ATP2B2: variants seen among roughly 807,000 people sequenced by gnomAD.
ATP2B2 encodes plasma membrane calcium-transporting ATPase 2.
Under a neutral mutation model 120.0 loss-of-function variants are expected in ATP2B2, and 15 were observed. The ratio of observed to expected loss-of-function variants is 0.12; its 90% CI spans 0.08 to 0.19. The LOEUF is 0.19. Among genes scored for constraint, ATP2B2 ranks in the 10% least tolerant of loss-of-function variants. The probability of loss-of-function intolerance (pLI) is 1.00; values close to 1 mark genes in which losing one functional copy is unlikely to be tolerated. For synonymous variants in ATP2B2, 694 were observed against 700.3 expected (o/e 0.99, Z 0.14); for missense variants, 1,045 against 1,719.8 (o/e 0.61, Z 6.94).
In ATP2B2 at chr3:10,343,827, G is replaced by A. The variant is rs1389285159; in HGVS notation, c.2704-862C>T. 2.6e-5 allele frequency among the ~76,000 whole-genome samples: 4 copies of A among 151,952 alleles called. No individual in the cohort carries two copies. ...TCCTGACCCCACTCTCCTGGTCGTC[G>A]TCCTCCCTTCCTTTTAAATCTGTGT... On this transcript the variant is annotated intron_variant, in intron 18 of 22. Transcript: ENST00000360273. The surrounding 1 kb of genome is among the most constrained non-coding windows in gnomAD (Gnocchi z 4.2).
chr3:10,529,688 G>C (rs1274237327), intron 3 of ATP2B2, among the ~76,000 whole-genome samples: 7 of 152,206 alleles, frequency 4.6e-5, no homozygotes, highest in Admixed American at 1.3e-4. Context: ...CAAAAAGATA[G>C]GTTGAAGTCC....
intron 3 of ATP2B2, among the ~76,000 whole-genome samples, chr3:10,403,713 A>ACCCT (rs959578494): frequency 1.3e-5 from 2 of 152,160 alleles, no homozygotes; most frequent in Non-Finnish European, 2.9e-5. Flanking sequence ...GGCACTGGAT[A>ACCCT]CCCTGCAAGG....
At chr3:10,483,636 T>TC (rs1351420444) in intron 1 of ATP2B2, among the ~76,000 whole-genome samples, 1 of 152,138 alleles carries the variant, frequency 6.6e-6, no homozygotes, top group Non-Finnish European at 1.5e-5. Flanking sequence ...AGCTGCTCTG[T>TC]CCCCTGCCTG....
intron 2 of ATP2B2, among the ~76,000 whole-genome samples, chr3:10,539,926 C>A (rs1178399331): frequency 6.6e-6 from 1 of 152,154 alleles, no homozygotes; most frequent in Non-Finnish European, 1.5e-5. Context: ...TCAGAGTGAA[C>A]AGGCAACCTA....
intron 1 of ATP2B2, among the ~76,000 whole-genome samples, chr3:10,662,167 T>C (rs1184495966): frequency 6.6e-6 from 1 of 152,110 alleles, no homozygotes; most frequent in Non-Finnish European, 1.5e-5. Flanking sequence ...ACCTAGGCAG[T>C]ACCATTCAGG....
intron 5 of ATP2B2, among the ~76,000 whole-genome samples, chr3:10,394,222 T>A (rs2061953666): frequency 6.6e-6 from 1 of 152,100 alleles, no homozygotes; most frequent in African/African-American, 2.4e-5. Flanking sequence ...GGGGCTATTA[T>A]CTGCCTCCAG....
chr3:10,421,093 G>A (rs958197209), intron 2 of ATP2B2, among the ~76,000 whole-genome samples: 4 of 152,182 alleles, frequency 2.6e-5, no homozygotes, highest in Non-Finnish European at 4.4e-5. Flanking sequence ...ATGGGGCAGG[G>A]CCAGCTGCAT....
At position 10,561,806 on chromosome 3, in the gene ATP2B2, G is replaced by C. The variant is rs1418402887; in HGVS notation, c.-414-27673C>G. 3.9e-5 allele frequency among the ~76,000 whole-genome samples: 6 copies of C among 152,182 alleles called. No individual in the cohort carries two copies. The East Asian group carries it at 1.2e-3, about 29-fold the overall frequency. Reference sequence around the variant, plus strand: ...TCCGCCATGATTGTGAGGCTTCCCAGTCATGTGGAACTGTAAGTCCATTAA... The same window carrying C: ...TCCGCCATGATTGTGAGGCTTCCCACTCATGTGGAACTGTAAGTCCATTAA... On this transcript the variant is annotated intron_variant, in intron 2 of 21. Coordinates refer to the ATP2B2 transcript ENST00000646379.
chr3:10,688,625 G>A (rs778306721), intron 1 of ATP2B2, among the ~76,000 whole-genome samples: 2 of 152,160 alleles, frequency 1.3e-5, no homozygotes, highest in Non-Finnish European at 2.9e-5. Context: ...CTCTCAGACA[G>A]GGACAACGTT....
In ATP2B2 at chr3:10,328,789, G is replaced by A. The variant is rs779431985; in HGVS notation, c.*25C>T. On this transcript the variant is annotated 3_prime_UTR_variant, in exon 23 of 23. Coordinates refer to ENST00000360273, the MANE Select transcript of ATP2B2 (RefSeq NM_001001331.4). ...GGTGGCAGCGGGGTCCATGAGGGCG[G>A]GCGGGCAGGCGAGAGGGTCCTCAGC... 3.2e-6 allele frequency: 5 copies of A among 1,585,330 alleles called. No individual in the cohort carries two copies. The highest frequency in any genetic ancestry group is 4.3e-6 in the Non-Finnish European group (5 of 1,162,022).
chr3:10,399,845 G>A (rs60574140), intron 5 of ATP2B2, among the ~76,000 whole-genome samples: 2,261 of 152,254 alleles, frequency 0.015, 47 homozygotes, highest in African/African-American at 0.047. Flanking sequence ...CCAGCTCAAC[G>A]CCACCTCCTC....
chr3:10,704,167 A>C (rs2071861842), intron 1 of ATP2B2, among the ~76,000 whole-genome samples: 1 of 152,192 alleles, frequency 6.6e-6, no homozygotes, highest in Admixed American at 6.5e-5. Flanking sequence ...AGAGGCCATC[A>C]TTTCCTGAGT....
At chr3:10,349,149 G>A (rs1283256160) in intron 16 of ATP2B2, among the ~76,000 whole-genome samples, 1 of 152,200 alleles carries the variant, frequency 6.6e-6, no homozygotes, top group Non-Finnish European at 1.5e-5. Context: ...CCAGGACCAC[G>A]TGACTCTAAA....
At chr3:10,380,336 CA>C (rs145004439) in intron 8 of ATP2B2, among the ~76,000 whole-genome samples, 2,532 of 152,326 alleles carry the variant, frequency 0.017, 74 homozygotes, top group African/African-American at 0.058. Flanking sequence ...CCTGCTCTGC[CA>C]ACAGGCCTCG....
At chr3:10,621,701 A>C (rs866884351) in intron 1 of ATP2B2, among the ~76,000 whole-genome samples, 1 of 152,234 alleles carries the variant, frequency 6.6e-6, no homozygotes, top group Non-Finnish European at 1.5e-5. Context: ...TCCTTTGAGC[A>C]GGCACAAAGC....
At chr3:10,707,096 G>C (rs1343829038) in intron 1 of ATP2B2, among the ~76,000 whole-genome samples, 2 of 152,240 alleles carry the variant, frequency 1.3e-5, no homozygotes, top group Non-Finnish European at 2.9e-5. Context: ...GTGAGTCCCA[G>C]TGTCCCGAAA....
At chr3:10,376,792 T>G (rs187693302) in intron 10 of ATP2B2, among the ~76,000 whole-genome samples, 2 of 152,294 alleles carry the variant, frequency 1.3e-5, no homozygotes, top group East Asian at 3.9e-4. Context: ...CCTAGAGTTC[T>G]GGGCAGCCAT....
At chr3:10,595,674 A>G (rs998679000) in intron 2 of ATP2B2, among the ~76,000 whole-genome samples, 16 of 152,110 alleles carry the variant, frequency 1.1e-4, no homozygotes, top group African/African-American at 3.1e-4. Flanking sequence ...AGCATATTAC[A>G]TTTATCTTAA....
At chr3:10,480,805 A>G (rs889522910) in intron 1 of ATP2B2, among the ~76,000 whole-genome samples, 15 of 152,358 alleles carry the variant, frequency 9.8e-5, no homozygotes, top group African/African-American at 3.4e-4. Context: ...GCACATGGCA[A>G]CCAGAATGAT....
Sources: allele counts gnomAD v4.1 joint callset (sites outside exome capture counted in the v4.1 genomes callset), GRCh38; gene constraint gnomAD v4.1.1; non-coding constraint Gnocchi (gnomAD v3.1); transcripts MANE v1.5; gene names NCBI Gene and HGNC (gene_info 2026-07-23, HGNC 2026-07-21).